Variants in RABGAP1L observed in about 807,000 individuals in gnomAD.
The protein encoded by RABGAP1L is RAB GTPase activating protein 1 like.
RABGAP1L carries 63 observed loss-of-function variants against 137.7 expected under a neutral mutation model. The ratio of observed to expected loss-of-function variants is 0.46; its 90% CI spans 0.37 to 0.56. The LOEUF (loss-of-function observed/expected upper bound fraction) is 0.56. Among genes scored for constraint, RABGAP1L ranks in the 20% least tolerant of loss-of-function variants. RABGAP1L has a pLI of 0.00. For missense variants in RABGAP1L, 1,095 were observed against 1,244.0 expected (o/e 0.88, Z 1.80); for synonymous variants, 431 against 433.7 (o/e 0.99, Z 0.08).
At chr1:174,572,941 G>A (rs1198019772) in intron 13 of RABGAP1L, among the ~76,000 whole-genome samples, 1 of 151,590 alleles carries the variant, frequency 6.6e-6, no homozygotes, top group Non-Finnish European at 1.5e-5. Context: ...GAGAAATGTT[G>A]GCAGTTAATT....
At chr1:174,682,640 A>G (rs2148478076) in intron 14 of RABGAP1L, among the ~76,000 whole-genome samples, 1 of 152,224 alleles carries the variant, frequency 6.6e-6, no homozygotes, top group African/African-American at 2.4e-5. Context: ...AAAAACTAAC[A>G]TGTTGTCTTT....
intron 11 of RABGAP1L, among the ~76,000 whole-genome samples, chr1:174,360,395 G>A (rs746083600): frequency 3.5e-4 from 54 of 152,162 alleles, no homozygotes; most frequent in Admixed American, 9.8e-4. Context: ...AAACATAATT[G>A]CTATTAATAG....
chr1:174,209,906 A>T (rs116101987), intron 1 of RABGAP1L, among the ~76,000 whole-genome samples: 2,586 of 152,242 alleles, frequency 0.017, 64 homozygotes, highest in African/African-American at 0.06. Context: ...AGAGAGGGAG[A>T]TTCCATTGGT....
chr1:174,868,618 G>A (rs1651687510), intron 19 of RABGAP1L, among the ~76,000 whole-genome samples: 2 of 152,190 alleles, frequency 1.3e-5, no homozygotes, highest in Admixed American at 6.5e-5. Flanking sequence ...ATAGCCCATA[G>A]TAATGGTGTT....
At chr1:174,336,892 A>G (rs1681526851) in intron 11 of RABGAP1L, among the ~76,000 whole-genome samples, 1 of 140,856 alleles carries the variant, frequency 7.1e-6, no homozygotes, top group Non-Finnish European at 1.5e-5. Flanking sequence ...TGTGAGAGAG[A>G]GAGAGAAAGA....
intron 11 of RABGAP1L, among the ~76,000 whole-genome samples, chr1:174,333,960 A>G (rs1467608774): frequency 6.6e-6 from 1 of 152,168 alleles, no homozygotes; most frequent in Non-Finnish European, 1.5e-5. Flanking sequence ...GATCTGAGGA[A>G]TTAGTGGAGA....
chr1:174,950,914 A>G (rs542701959), intron 19 of RABGAP1L, among the ~76,000 whole-genome samples: 104 of 152,190 alleles, frequency 6.8e-4, no homozygotes, highest in Non-Finnish European at 8.7e-4. Flanking sequence ...TTGCATCCAT[A>G]AATTAATATT....
intron 17 of RABGAP1L, among the ~76,000 whole-genome samples, chr1:174,708,885 C>A (rs1261640250): frequency 2.6e-5 from 4 of 152,196 alleles, no homozygotes; most frequent in Non-Finnish European, 5.9e-5. Flanking sequence ...CTCAGCAGAA[C>A]CTACCCCCAT....
intron 11 of RABGAP1L, among the ~76,000 whole-genome samples, chr1:174,350,192 C>G (rs1471939545): frequency 9.2e-5 from 12 of 130,392 alleles, no homozygotes; most frequent in Non-Finnish European, 1.8e-4. Flanking sequence ...GGGGCTGACC[C>G]CCCCCCCACC....
chr1:174,828,365 T>C (rs1459507394), intron 19 of RABGAP1L, among the ~76,000 whole-genome samples: 1 of 148,142 alleles, frequency 6.8e-6, no homozygotes, highest in African/African-American at 2.5e-5. Flanking sequence ...TGAAGCTCCC[T>C]GTTACCTGCA....
intron 24 of RABGAP1L, among the ~76,000 whole-genome samples, chr1:174,986,932 T>C (rs1162974449): frequency 6.6e-6 from 1 of 152,230 alleles, no homozygotes; most frequent in Non-Finnish European, 1.5e-5. Flanking sequence ...TTCTTTAACA[T>C]TTTTAGTCAA....
intron 13 of RABGAP1L, among the ~76,000 whole-genome samples, chr1:174,613,014 G>T (rs1671418619): frequency 6.6e-6 from 1 of 151,486 alleles, no homozygotes; most frequent in African/African-American, 2.4e-5. Flanking sequence ...CCAGGTCCTA[G>T]ATTCATTAAT....
chr1:174,349,217 C>G (rs1168771504), intron 11 of RABGAP1L, among the ~76,000 whole-genome samples: 2 of 124,224 alleles, frequency 1.6e-5, no homozygotes, highest in Non-Finnish European at 1.7e-5. Context: ...GGCGGCTGGC[C>G]GGGCGGGGGG....
intron 17 of RABGAP1L, among the ~76,000 whole-genome samples, chr1:174,739,356 TA>T (rs1683203858): frequency 1.3e-5 from 2 of 152,318 alleles, no homozygotes; most frequent in South Asian, 2.1e-4. Context: ...TTGTGCTTTC[TA>T]AAAAAGTTGA....
chr1:174,394,065 A>C lies in RABGAP1L; in HGVS notation c.1630A>C (p.Arg544=). The change falls in exon 13 of 26, where the codon AGG becomes CGG. Residue 544 remains arginine (R), a synonymous_variant. Coordinates refer to ENST00000681986, the MANE Select transcript of RABGAP1L (RefSeq NM_001366446.1). Reference sequence around the variant, plus strand: ...GAAGAGTGGTGTCCCTGAAGCATTGAGGGCAGAGGTATGGCAGTTATTGGC... The same window carrying C: ...GAAGAGTGGTGTCCCTGAAGCATTGCGGGCAGAGGTATGGCAGTTATTGGC... ...LVKSGVPEAL[R]AEVWQLLAGC... is the part of the protein sequence containing the mutation. 1 of 1,613,898 alleles carries C rather than the reference A, an allele frequency of 6.2e-7. No homozygotes were observed. Among genetic ancestry groups the C allele is most frequent in the Non-Finnish European group, 8.5e-7 (1 of 1,179,840 alleles).
intron 17 of RABGAP1L, among the ~76,000 whole-genome samples, chr1:174,722,375 G>A (rs962049373): frequency 1.4e-4 from 22 of 151,994 alleles, no homozygotes; most frequent in African/African-American, 5.1e-4. Context: ...TAAGATGTAC[G>A]AAAAGTACTT....
intron 13 of RABGAP1L, among the ~76,000 whole-genome samples, chr1:174,490,343 G>A (rs993511424): frequency 2.6e-5 from 4 of 152,258 alleles, no homozygotes; most frequent in Non-Finnish European, 4.4e-5. Context: ...ATAAGATGCC[G>A]CCTTCGTGGT....
intron 13 of RABGAP1L, among the ~76,000 whole-genome samples, chr1:174,470,781 A>T (rs1657827808): frequency 6.6e-6 from 1 of 151,992 alleles, no homozygotes; most frequent in Admixed American, 6.6e-5. Context: ...GGAAAAAAAA[A>T]ATCAAAATAA....
At chr1:174,891,109 G>C (rs899014980) in intron 19 of RABGAP1L, among the ~76,000 whole-genome samples, 10 of 152,142 alleles carry the variant, frequency 6.6e-5, no homozygotes, top group African/African-American at 2.4e-4. Flanking sequence ...GTGTATATCT[G>C]TGCCTATTTA....
Sources: allele counts gnomAD v4.1 joint callset (sites outside exome capture counted in the v4.1 genomes callset), GRCh38; gene constraint gnomAD v4.1.1; transcripts MANE v1.5; gene names NCBI Gene and HGNC (gene_info 2026-07-23, HGNC 2026-07-21).